The following KANSL1L variants were observed in gnomAD, a reference collection of about 807,000 sequenced individuals.
KANSL1L encodes KAT8 regulatory NSL complex subunit 1-like protein.
A neutral mutation model predicts 108.6 loss-of-function variants in KANSL1L; 25 were observed. That is an observed-to-expected ratio of 0.23 (90% CI 0.17 to 0.32). KANSL1L has a LOEUF of 0.32. Among genes scored for constraint, KANSL1L ranks in the 10% least tolerant of loss-of-function variants. The probability of loss-of-function intolerance (pLI) is 1.00; values close to 1 mark genes in which losing one functional copy is unlikely to be tolerated. For missense variants in KANSL1L, 1,137 were observed against 1,125.7 expected (o/e 1.01, Z -0.14); for synonymous variants, 405 against 395.1 (o/e 1.03, Z -0.30).
At chr2:210,155,017 AAATAT>A (rs2095325293) in intron 1 of KANSL1L, among the ~76,000 whole-genome samples, 1 of 152,184 alleles carries the variant, frequency 6.6e-6, no homozygotes, top group Non-Finnish European at 1.5e-5. Flanking sequence ...TATCTTTATA[AAATAT>A]AATAAATTTA....
At chr2:210,051,473 T>A (rs746824896) in intron 6 of KANSL1L, among the ~76,000 whole-genome samples, 5 of 152,186 alleles carry the variant, frequency 3.3e-5, no homozygotes, top group African/African-American at 4.8e-5. Context: ...CCTTGTTTTT[T>A]AATATATTTT....
At chr2:210,079,654 ATATATATATATG>A (rs1336702759) in intron 5 of KANSL1L, among the ~76,000 whole-genome samples, 22 of 18,360 alleles carry the variant, frequency 1.2e-3, no homozygotes, top group East Asian at 0.011. Flanking sequence ...ATATATATAT[ATATATATATATG>A]TATGTGTGTA....
At chr2:210,158,548 T>A (rs2095345496) in intron 1 of KANSL1L, among the ~76,000 whole-genome samples, 1 of 152,104 alleles carries the variant, frequency 6.6e-6, no homozygotes, top group South Asian at 2.1e-4. Flanking sequence ...GCCACTAAAT[T>A]TGGGGGTAAT....
At chr2:210,061,286 T>C (rs1415588381) in intron 6 of KANSL1L, among the ~76,000 whole-genome samples, 1 of 152,186 alleles carries the variant, frequency 6.6e-6, no homozygotes, top group Non-Finnish European at 1.5e-5. Context: ...GGAATTCTAA[T>C]CTTGGATGCC....
intron 7 of KANSL1L, among the ~76,000 whole-genome samples, chr2:210,040,891 C>T (rs887296665): frequency 2.6e-5 from 4 of 152,068 alleles, no homozygotes; most frequent in African/African-American, 9.6e-5. Context: ...AGAAAACCTA[C>T]ACCCAAATCT....
chr2:210,067,454 T>C (rs148070504), intron 6 of KANSL1L, among the ~76,000 whole-genome samples: 257 of 152,172 alleles, frequency 1.7e-3, no homozygotes, highest in Admixed American at 4.3e-3. Context: ...ATCCCAGCAC[T>C]TTGAGAGGCC....
chr2:210,114,684 C>T (rs773577482), intron 3 of KANSL1L, among the ~76,000 whole-genome samples: 30 of 151,812 alleles, frequency 2.0e-4, no homozygotes, highest in Admixed American at 2.6e-4. Context: ...GTTTGCAGCT[C>T]CACATTTTGT....
chr2:210,052,375 G>T (rs993980034), intron 6 of KANSL1L, among the ~76,000 whole-genome samples: 3 of 152,040 alleles, frequency 2.0e-5, no homozygotes, highest in Admixed American at 6.6e-5. Flanking sequence ...ACAACAGGCT[G>T]CCCTGGAAGT....
At chr2:210,109,186 A>G (rs978622117) in intron 3 of KANSL1L, among the ~76,000 whole-genome samples, 5 of 152,150 alleles carry the variant, frequency 3.3e-5, no homozygotes, top group African/African-American at 1.2e-4. Flanking sequence ...TTCTACTTAA[A>G]GTATAATTTT....
chr2:210,050,533 T>C (rs1377691945), intron 6 of KANSL1L, among the ~76,000 whole-genome samples: 5 of 151,954 alleles, frequency 3.3e-5, no homozygotes, highest in Admixed American at 2.6e-4. Flanking sequence ...TAGTCTCCCT[T>C]ATCTGCAGGG....
At chr2:210,099,005 T>C (rs530355980) in intron 4 of KANSL1L, among the ~76,000 whole-genome samples, 1 of 152,168 alleles carries the variant, frequency 6.6e-6, no homozygotes, top group East Asian at 1.9e-4. Flanking sequence ...TCATTACACC[T>C]GTAATCCACG....
At chr2:210,106,869 G>C (rs1196563964) in intron 3 of KANSL1L, among the ~76,000 whole-genome samples, 1 of 152,010 alleles carries the variant, frequency 6.6e-6, no homozygotes, top group African/African-American at 2.4e-5. Flanking sequence ...CTGTTGGAGT[G>C]TGAGGAGAGT....
chr2:210,069,473 G>C (rs2094490892), intron 6 of KANSL1L, among the ~76,000 whole-genome samples: 1 of 152,054 alleles, frequency 6.6e-6, no homozygotes, highest in South Asian at 2.1e-4. Context: ...CCACCATTAA[G>C]TATTTGTTAC....
intron 1 of KANSL1L, among the ~76,000 whole-genome samples, chr2:210,165,733 C>T (rs904311631): frequency 2.0e-5 from 3 of 152,098 alleles, no homozygotes; most frequent in South Asian, 2.1e-4. Context: ...ATCCAAAGAA[C>T]GTTCATTGTG....
At chr2:210,049,200 G>A (rs191377231) in intron 6 of KANSL1L, among the ~76,000 whole-genome samples, 133 of 152,172 alleles carry the variant, frequency 8.7e-4, no homozygotes, top group African/African-American at 3.1e-3. Context: ...CTTCTATGGA[G>A]TTTAATTGGA....
At chr2:210,097,857 T>C in intron 5 of KANSL1L, 1 of 259,750 alleles carries the variant, frequency 3.8e-6, no homozygotes. Context: ...TTAAGAAACA[T>C]TATGAAACTT....
chr2:210,024,570 T>TAATA (rs2093909455), intron 13 of KANSL1L, among the ~76,000 whole-genome samples: 3 of 152,096 alleles, frequency 2.0e-5, no homozygotes, highest in African/African-American at 7.2e-5. Context: ...ATCAAATGTA[T>TAATA]AATAAATATA....
At chr2:210,059,124 C>G (rs1013900007) in intron 6 of KANSL1L, among the ~76,000 whole-genome samples, 11 of 141,240 alleles carry the variant, frequency 7.8e-5, no homozygotes, top group African/African-American at 3.0e-4. Flanking sequence ...GGTGACAGAG[C>G]GAGACTCCGT....
At chr2:210,124,674 G>A (rs2095050207) in intron 3 of KANSL1L, among the ~76,000 whole-genome samples, 1 of 152,012 alleles carries the variant, frequency 6.6e-6, no homozygotes, top group South Asian at 2.1e-4. Flanking sequence ...AAACGAATAT[G>A]AGGATAGAAA....
Sources: gnomAD v4.1 joint callset for allele counts (sites outside exome capture counted in the v4.1 genomes callset) on GRCh38, gnomAD v4.1.1 for gene constraint, MANE v1.5 for transcripts, NCBI Gene and HGNC (gene_info 2026-07-23, HGNC 2026-07-21) for gene names.